TCERG1L: variants seen among roughly 807,000 people sequenced by gnomAD.
The protein encoded by TCERG1L is transcription elongation regulator 1-like protein.
A neutral mutation model predicts 56.3 loss-of-function variants in TCERG1L; 37 were observed. That is an observed-to-expected ratio of 0.66 (90% CI 0.51 to 0.87). The LOEUF (loss-of-function observed/expected upper bound fraction) is 0.87. TCERG1L is among the 40% of genes least tolerant of loss of function. The probability of loss-of-function intolerance (pLI) is 0.00; values close to 1 mark genes in which losing one functional copy is unlikely to be tolerated. For synonymous variants in TCERG1L, 324 were observed against 326.3 expected (o/e 0.99, Z 0.08); for missense variants, 799 against 774.2 (o/e 1.03, Z -0.38).
At chr10:131,306,873 A>G (rs753675953) in intron 3 of TCERG1L, among the ~76,000 whole-genome samples, 3 of 152,178 alleles carry the variant, frequency 2.0e-5, no homozygotes, top group Non-Finnish European at 2.9e-5. Flanking sequence ...CCTAAGAAGA[A>G]GGTGAAGGCA....
chr10:131,309,917 A>AG (rs1029382546), intron 1 of TCERG1L, among the ~76,000 whole-genome samples: 1 of 150,958 alleles, frequency 6.6e-6, no homozygotes, highest in Non-Finnish European at 1.5e-5. Context: ...AGTCATGGAA[A>AG]GGGGCTGGTA....
chr10:131,172,725 A>G (rs750819), intron 4 of TCERG1L, among the ~76,000 whole-genome samples: 24,752 of 152,138 alleles, frequency 0.16, 2,206 homozygotes, highest in East Asian at 0.31. Flanking sequence ...TGTGCCAGCC[A>G]TGATGGTGGT....
At chr10:131,304,160 C>T (rs760069308) in intron 3 of TCERG1L, among the ~76,000 whole-genome samples, 9 of 152,084 alleles carry the variant, frequency 5.9e-5, no homozygotes, top group Non-Finnish European at 1.0e-4. Context: ...TGGCAGGCAA[C>T]GGGACATGGA....
intron 5 of TCERG1L, among the ~76,000 whole-genome samples, chr10:131,164,855 C>G (rs1183303054): frequency 3.9e-5 from 6 of 152,168 alleles, no homozygotes; most frequent in Non-Finnish European, 8.8e-5. Context: ...AGTCAATGCT[C>G]CAAAGTCCTC....
At chr10:131,303,027 T>C (rs12266556) in intron 3 of TCERG1L, among the ~76,000 whole-genome samples, 3,618 of 152,124 alleles carry the variant, frequency 0.024, 177 homozygotes, top group African/African-American at 0.08. Context: ...CAGTCTATCG[T>C]TGATGGGCAT....
intron 4 of TCERG1L, among the ~76,000 whole-genome samples, chr10:131,200,588 G>A (rs143782583): frequency 2.0e-5 from 3 of 152,200 alleles, no homozygotes; most frequent in African/African-American, 2.4e-5. Context: ...GCTTGATTTC[G>A]CAGGCTCACA....
chr10:131,249,144 T>C (rs947852091), intron 4 of TCERG1L, among the ~76,000 whole-genome samples: 1 of 152,240 alleles, frequency 6.6e-6, no homozygotes, highest in African/African-American at 2.4e-5. Flanking sequence ...GCTGACTGAT[T>C]CATCAGGTGG....
At chr10:131,182,191 T>C (rs1476430953) in intron 4 of TCERG1L, among the ~76,000 whole-genome samples, 1 of 152,196 alleles carries the variant, frequency 6.6e-6, no homozygotes, top group Middle Eastern at 3.2e-3. Flanking sequence ...TTTAGAAGCC[T>C]TGAGTCTGCC....
At chr10:131,184,139 C>T (rs1845211640) in intron 4 of TCERG1L, among the ~76,000 whole-genome samples, 1 of 152,234 alleles carries the variant, frequency 6.6e-6, no homozygotes, top group Non-Finnish European at 1.5e-5. Flanking sequence ...CACCCCCTTG[C>T]CTTGCGAAGC....
intron 10 of TCERG1L, among the ~76,000 whole-genome samples, chr10:131,101,975 T>G (rs1242373782): frequency 2.0e-5 from 3 of 152,202 alleles, no homozygotes; most frequent in Non-Finnish European, 4.4e-5. Flanking sequence ...GGGCTGGGAT[T>G]ACAGGCATGA....
Position 131,267,185 on chromosome 10 carries a change from T to C in TCERG1L, c.671-6741A>G, listed in dbSNP as rs1012421469. Among the ~76,000 whole-genome samples, 1 of 152,146 alleles carries C rather than the reference T, an allele frequency of 6.6e-6. No individual in the cohort carries two copies. The highest frequency in any genetic ancestry group is 1.5e-5 in the Non-Finnish European group (1 of 68,006). ...AGTTGCCACCAGCCCCGTCTCAGCCTCCCACCTGCGCTCATTGGTGCCCAA... is the reference window on the plus strand; with the variant it reads ...AGTTGCCACCAGCCCCGTCTCAGCCCCCCACCTGCGCTCATTGGTGCCCAA... On this transcript the variant is annotated intron_variant, in intron 3 of 11. Transcript: ENST00000368642. The surrounding 1 kb of genome is among the most constrained non-coding windows in gnomAD (Gnocchi z 4.9).
intron 4 of TCERG1L, among the ~76,000 whole-genome samples, chr10:131,201,175 C>T (rs1221294475): frequency 6.6e-6 from 1 of 152,190 alleles, no homozygotes; most frequent in Non-Finnish European, 1.5e-5. Context: ...GAGAGTCAGG[C>T]CCACCACCCG....
rs1845476939 is a variant in TCERG1L at position 131,118,038 on chromosome 10, G to C, written c.1260-1104C>G. On this transcript the variant is annotated intron_variant, in intron 8 of 11. Transcript: ENST00000368642. The surrounding 1 kb of genome is among the most constrained non-coding windows in gnomAD (Gnocchi z 4.2). ...AGGACGGGCAGACTCAACCCGCGCT[G>C]GGTTGGCGCACCCTCACTCTGACCA... 6.6e-6 allele frequency among the ~76,000 whole-genome samples: 1 copy of C among 152,148 alleles called. No homozygotes were observed. The highest frequency in any genetic ancestry group is 2.1e-4 in the South Asian group (1 of 4,828).
At chr10:131,145,160 T>A (rs555512667) in intron 7 of TCERG1L, among the ~76,000 whole-genome samples, 54 of 152,376 alleles carry the variant, frequency 3.5e-4, no homozygotes, top group African/African-American at 1.2e-3. Context: ...AATAAAATCA[T>A]TGTTAGGACA....
chr10:131,300,049 C>T (rs1021538787), intron 3 of TCERG1L, among the ~76,000 whole-genome samples: 2 of 152,084 alleles, frequency 1.3e-5, no homozygotes, highest in African/African-American at 4.8e-5. Context: ...TAAGCTTCTT[C>T]GTAATTTCAT....
chr10:131,176,220 C>A (rs1010547094), intron 4 of TCERG1L, among the ~76,000 whole-genome samples: 1 of 152,094 alleles, frequency 6.6e-6, no homozygotes, highest in East Asian at 1.9e-4. Context: ...GAGGCCAATG[C>A]TGCACACACA....
At chr10:131,230,681 A>G (rs1318104543) in intron 4 of TCERG1L, among the ~76,000 whole-genome samples, 2 of 152,294 alleles carry the variant, frequency 1.3e-5, no homozygotes, top group East Asian at 3.9e-4. Flanking sequence ...TGTGTGACCA[A>G]GCTCAGGGCT....
chr10:131,180,897 C>A (rs949902961), intron 4 of TCERG1L, among the ~76,000 whole-genome samples: 10 of 151,984 alleles, frequency 6.6e-5, no homozygotes, highest in Admixed American at 5.9e-4. Flanking sequence ...TGTGAATCCC[C>A]ACGCTTCCCA....
At chr10:131,280,227 T>A (rs1375548714) in intron 3 of TCERG1L, among the ~76,000 whole-genome samples, 1 of 151,148 alleles carries the variant, frequency 6.6e-6, no homozygotes, top group Non-Finnish European at 1.5e-5. Context: ...GAGTTCCTGA[T>A]GAGCCTCTCC....
Sources: gnomAD v4.1 joint callset for allele counts (sites outside exome capture counted in the v4.1 genomes callset) on GRCh38, gnomAD v4.1.1 for gene constraint, Gnocchi (gnomAD v3.1) non-coding constraint, MANE v1.5 for transcripts, NCBI Gene and HGNC (gene_info 2026-07-23, HGNC 2026-07-21) for gene names.